Variants in TPR observed in about 807,000 individuals in gnomAD.
TPR encodes the protein nucleoprotein TPR.
Under a neutral mutation model 316.1 loss-of-function variants are expected in TPR, and 51 were observed. The observed-to-expected ratio is 0.16, with a 90% CI of 0.13 to 0.20. The LOEUF is 0.20. Ranked by LOEUF, TPR falls within the 10% of genes least tolerant of loss-of-function variation. TPR has a pLI of 1.00. For missense variants in TPR, 2,272 were observed against 2,754.8 expected (o/e 0.82, Z 3.92); for synonymous variants, 981 against 914.7 (o/e 1.07, Z -1.31).
intron 18 of TPR, 39 bp downstream of exon 18, chr1:186,353,649 A>G: frequency 6.3e-7 from 1 of 1,588,728 alleles, no homozygotes. Flanking sequence ...TGTCAAATGC[A>G]ACTTATAATG....
chr1:186,332,289 T>C lies in TPR; in HGVS notation c.5510A>G (p.Asp1837Gly), dbSNP rs1196268442. Reference protein sequence around the residue: ...LPKRTREEEEDSTIEASDQVS... With the variant: ...LPKRTREEEEGSTIEASDQVS... ...TTGGTCTGATGCTTCTATGGTGCTA[T>C]CCTCTTCCTCTTCACGTGTACGCTT... is the stretch of plus-strand genomic sequence containing the variant. Residue 1837 changes from aspartate to glycine, a missense_variant, in exon 38 of 51, where the codon GAT becomes GGT. Asp to Gly is a moderately conservative substitution (Grantham distance 94). Coordinates refer to ENST00000367478, the MANE Select transcript of TPR (RefSeq NM_003292.3). 6.2e-7 allele frequency: 1 copy of C among 1,612,916 alleles called. No homozygotes were observed. Among genetic ancestry groups the C allele is most frequent in the Non-Finnish European group, 8.5e-7 (1 of 1,179,364 alleles).
chr1:186,359,301 A>G (rs533129027), intron 12 of TPR, among the ~76,000 whole-genome samples: 1 of 152,216 alleles, frequency 6.6e-6, no homozygotes. Flanking sequence ...AATTTCATTA[A>G]CACTTCTAAT....
At chr1:186,356,549 T>C (rs1338708747) in intron 14 of TPR, 100 bp from the exon 15 acceptor site, 6 of 1,172,382 alleles carry the variant, frequency 5.1e-6, no homozygotes, top group Non-Finnish European at 7.0e-6. Context: ...CCATTCATCA[T>C]ACCATTTTTG....
At chr1:186,333,432 C>T (rs766361095) in intron 36 of TPR, 38 bp from the exon 37 acceptor site, 5 of 1,596,340 alleles carry the variant, frequency 3.1e-6, no homozygotes, top group Non-Finnish European at 4.3e-6. Flanking sequence ...AAGCCTTCTA[C>T]TTTTATCAAA....
At position 186,373,396 on chromosome 1, in the gene TPR, T is replaced by C; in HGVS notation, c.219A>G (p.Arg73=). The part of the protein sequence containing the change: ...HSQERLVNET[R]ECQSLRLELE... ...GCTCAAGCCGCAAGCTTTGACACTC[T>C]CGGGTTTCATTCACAAGTCTCTCCT... The change falls in exon 2 of 51, where the codon CGA becomes CGG. Residue 73 remains arginine (R), a synonymous_variant. Coordinates refer to ENST00000367478, the MANE Select transcript of TPR (RefSeq NM_003292.3). 1.2e-6 allele frequency: 2 copies of C among 1,613,690 alleles called. No individual in the cohort carries two copies. The highest frequency in any genetic ancestry group is 1.1e-5 in the South Asian group (1 of 91,052).
At position 186,313,009 on chromosome 1, in the gene TPR, C is replaced by T. The variant is rs1657397884; in HGVS notation, c.*962G>A. Reference sequence around the variant, plus strand: ...GAATGTGAGAAGTTACACTACGGTACTTATTCTAATTGCTGTGGAAAAGAG... The same window carrying T: ...GAATGTGAGAAGTTACACTACGGTATTTATTCTAATTGCTGTGGAAAAGAG... On this transcript the variant is annotated 3_prime_UTR_variant, in exon 51 of 51. Transcript: ENST00000367478. The T allele has an allele frequency of 5.3e-6, 6 of 1,134,816 alleles. No individual in the cohort carries two copies. The South Asian group carries it at 7.6e-5, about 14-fold the overall frequency. The allele number at this position is 1,134,816 out of a possible 1,614,324, so 70.3% of individuals were successfully genotyped here.
intron 4 of TPR, among the ~76,000 whole-genome samples, chr1:186,367,213 G>A (rs867614421): frequency 3.9e-5 from 6 of 151,952 alleles, no homozygotes; most frequent in East Asian, 1.9e-4. Context: ...TTACAGGTGC[G>A]TGCCACCATG....
At chr1:186,327,886 G>T (rs563341062) in intron 39 of TPR, among the ~76,000 whole-genome samples, 1 of 151,844 alleles carries the variant, frequency 6.6e-6, no homozygotes, top group Non-Finnish European at 1.5e-5. Context: ...GGGTTCAAGC[G>T]ACTCTCCTGC....
chr1:186,353,530 G>A (rs551729777), intron 18 of TPR, among the ~76,000 whole-genome samples, 158 bp downstream of exon 18: 20 of 152,156 alleles, frequency 1.3e-4, no homozygotes, highest in Admixed American at 1.0e-3. Context: ...CCCCACTAAC[G>A]CACACTGGCT....
chr1:186,314,533 T>C (rs1657528452), intron 50 of TPR, 96 bp downstream of exon 50: 1 of 938,808 alleles, frequency 1.1e-6, no homozygotes, highest in Non-Finnish European at 1.5e-6. Flanking sequence ...TTTGGAACAT[T>C]AAAAAAATAA....
At chr1:186,316,757 A>G (rs1423342451) in intron 49 of TPR, among the ~76,000 whole-genome samples, 1 of 152,184 alleles carries the variant, frequency 6.6e-6, no homozygotes, top group Non-Finnish European at 1.5e-5. Context: ...CTCAGCTTCC[A>G]TATCTATAAA....
At chr1:186,361,527 T>G in intron 9 of TPR, 95 bp downstream of exon 9, 1 of 1,237,424 alleles carries the variant, frequency 8.1e-7, no homozygotes, top group Non-Finnish European at 1.1e-6. Flanking sequence ...AAATAAAGTC[T>G]AACACCTAAA....
chr1:186,374,703 T>C (rs1188049016), intron 1 of TPR, among the ~76,000 whole-genome samples, 175 bp downstream of exon 1: 1 of 152,086 alleles, frequency 6.6e-6, no homozygotes, highest in Admixed American at 6.5e-5. Flanking sequence ...GATTTTTTTT[T>C]CAAAGGCTTC....
chr1:186,334,311 A>G lies in TPR; in HGVS notation c.5182+14T>C, dbSNP rs745587604. On this transcript the variant is annotated intron_variant, in intron 36 of 50. Coordinates refer to ENST00000367478, the MANE Select transcript of TPR (RefSeq NM_003292.3). ...AAATAAGCAGTCTCATCAGATCTGT[A>G]TTATTTTACTAACCTTCCTGTGATT... 4.4e-6 allele frequency: 7 copies of G among 1,602,838 alleles called. No homozygotes were observed. In the Admixed American group the frequency reaches 6.7e-5, roughly 15 times the overall value.
rs868641265 is a variant in TPR, at chr1:186,327,060, A to T, written c.5889+400T>A. ...ATATATATAAATATATAACATATAT[A>T]TTATATATAAATATATATAAATATA... On this transcript the variant is annotated intron_variant, in intron 40 of 50. Coordinates refer to ENST00000367478, the MANE Select transcript of TPR (RefSeq NM_003292.3). Among the ~76,000 whole-genome samples, 12 of 8,482 alleles carry T rather than the reference A, an allele frequency of 1.4e-3. 1 individual carries two copies. Among genetic ancestry groups the T allele is most frequent in the African/African-American group, 3.8e-3 (8 of 2,132 alleles). 5.6% of individuals were successfully genotyped at this position (8,482 alleles called of 152,430 possible). A position where few individuals can be genotyped will look rare whatever the true frequency, so the allele number is the denominator to read the frequency against.
At chr1:186,360,426 A>T in intron 10 of TPR, 62 bp from the exon 11 acceptor site, 1 of 1,557,644 alleles carries the variant, frequency 6.4e-7, no homozygotes. Flanking sequence ...GCCATTAATA[A>T]TTTTTCAAGG....
chr1:186,370,634 G>A (rs1413306532), intron 3 of TPR, among the ~76,000 whole-genome samples: 2 of 151,972 alleles, frequency 1.3e-5, no homozygotes, highest in Admixed American at 1.3e-4. Flanking sequence ...CAATCCCTGT[G>A]ATCATATTCA....
intron 11 of TPR, 101 bp downstream of exon 11, chr1:186,360,172 A>T: frequency 7.2e-7 from 1 of 1,393,624 alleles, no homozygotes; most frequent in Admixed American, 2.3e-5. Context: ...ACTAATTATA[A>T]GATGATTTTA....
intron 49 of TPR, among the ~76,000 whole-genome samples, chr1:186,315,149 C>T (rs78468398): frequency 6.7e-6 from 1 of 149,754 alleles, no homozygotes; most frequent in Non-Finnish European, 1.5e-5. Flanking sequence ...CCAGGGAGAC[C>T]GGTGAGATCC....
Sources: allele counts gnomAD v4.1 joint callset (sites outside exome capture counted in the v4.1 genomes callset), GRCh38; gene constraint gnomAD v4.1.1; transcripts MANE v1.5; gene names NCBI Gene and HGNC (gene_info 2026-07-23, HGNC 2026-07-21).